KRT86: variants seen among roughly 807,000 people sequenced by gnomAD.
The protein encoded by KRT86 is keratin 86.
In KRT86, 30 loss-of-function variants were observed where a neutral mutation model predicts 41.2. The observed-to-expected ratio is 0.73, with a 90% confidence interval of 0.54 to 0.99. KRT86 has a LOEUF of 0.99. Ranked by LOEUF, KRT86 falls within the 50% of genes least tolerant of loss-of-function variation. The pLI, the probability that KRT86 is intolerant of heterozygous loss-of-function variation, is 0.00. For synonymous variants in KRT86, 238 were observed against 238.1 expected, an observed-to-expected ratio of 1.00 and a Z score of 0.00; for missense variants, 561 against 571.4, an observed-to-expected ratio of 0.98 and a Z score of 0.19.
intron 2 of KRT86, chr12:52,287,311 C>T (rs766315840): frequency 1.1e-5 from 18 of 1,614,014 alleles, no homozygotes; most frequent in Non-Finnish European, 1.5e-5. Context: ...CCGCGGCCTC[C>T]AGCTTGGAGT....
At chr12:52,305,550 G>T in intron 7 of KRT86, 113 bp from the exon 8 acceptor site, 1 of 1,601,930 alleles carries the variant, frequency 6.2e-7, no homozygotes, top group Non-Finnish European at 8.5e-7. Context: ...GGGCAGGACT[G>T]CCATGTGTGG....
intron 2 of KRT86, among the ~76,000 whole-genome samples, chr12:52,301,221 G>T (rs1228339794): frequency 3.9e-5 from 6 of 152,142 alleles, no homozygotes; most frequent in African/African-American, 1.2e-4. Flanking sequence ...GTGAGTTTGT[G>T]TGTGTATGTG....
At chr12:52,277,034 C>T (rs561040927) in intron 2 of KRT86, among the ~76,000 whole-genome samples, 1 of 152,262 alleles carries the variant, frequency 6.6e-6, no homozygotes, top group East Asian at 1.9e-4. Context: ...GTCCCACCAG[C>T]CACAGCTGTT....
intron 2 of KRT86, chr12:52,287,274 C>A: frequency 1.2e-6 from 2 of 1,614,062 alleles, no homozygotes; most frequent in Non-Finnish European, 1.7e-6. Context: ...CTGAGGGCCG[C>A]CTCACCCTGC....
chr12:52,294,274 C>CTCCTTA (rs1378340267), intron 2 of KRT86, among the ~76,000 whole-genome samples: 2 of 152,240 alleles, frequency 1.3e-5, no homozygotes, highest in African/African-American at 4.8e-5. Context: ...ACCAGTATAA[C>CTCCTTA]TCCTTATAAA....
At chr12:52,283,624 A>G (rs1206697416) in intron 2 of KRT86, among the ~76,000 whole-genome samples, 2 of 151,730 alleles carry the variant, frequency 1.3e-5, no homozygotes, top group South Asian at 2.1e-4. Context: ...AATTACAGGC[A>G]CATACCACCA....
chr12:52,278,821 G>A (rs1937701312), intron 2 of KRT86: 1 of 151,984 alleles, frequency 6.6e-6, no homozygotes, highest in Non-Finnish European at 1.5e-5. Flanking sequence ...CTGTGTCTGT[G>A]ACAGCTCCCT....
intron 2 of KRT86, among the ~76,000 whole-genome samples, chr12:52,283,039 T>C (rs1190841097): frequency 1.3e-5 from 2 of 152,114 alleles, no homozygotes; most frequent in Non-Finnish European, 2.9e-5. Flanking sequence ...CACTGCACAG[T>C]TGCATGAAAC....
intron 2 of KRT86, 40 bp from the exon 3 acceptor site, chr12:52,301,873 G>A: frequency 6.2e-7 from 1 of 1,613,580 alleles, no homozygotes; most frequent in Admixed American, 1.7e-5. Context: ...TCTCCATTCG[G>A]ACGTCTCCAT....
In KRT86 at chr12:52,305,351, G is replaced by A. The variant is rs377327853; in HGVS notation, c.847G>A (p.Asp283Asn). The A allele has an allele frequency of 1.4e-5, 22 of 1,614,134 alleles. No homozygotes were observed. Among genetic ancestry groups the A allele is most frequent in the South Asian group, 7.7e-5 (7 of 91,088 alleles). The change falls in exon 7 of 11, where the codon GAT becomes AAT. Residue 283 changes from aspartate to asparagine, a missense_variant. Transcript: ENST00000423955. ...CATTGCCGAGATCAAGGCACAGTAC[G>A]ATGACATTGTCACCCGTAGCCGGGC... ...CIIAEIKAQY[D>N]DIVTRSRAEA...
At chr12:52,288,380 A>G in intron 2 of KRT86, 2 of 1,614,082 alleles carry the variant, frequency 1.2e-6, no homozygotes, top group Non-Finnish European at 8.5e-7. Flanking sequence ...CAGCCGCCTC[A>G]GGAAGTCGAT....
At chr12:52,293,864 G>A (rs183180542) in intron 2 of KRT86, among the ~76,000 whole-genome samples, 121 of 152,246 alleles carry the variant, frequency 7.9e-4, no homozygotes, top group Non-Finnish European at 7.4e-5. Context: ...TAGCCCCCTG[G>A]AGCTGCTATG....
intron 2 of KRT86, among the ~76,000 whole-genome samples, chr12:52,298,194 C>T (rs971490296): frequency 2.6e-5 from 4 of 152,156 alleles, no homozygotes; most frequent in African/African-American, 9.7e-5. Context: ...TTCTCTGAGG[C>T]AATCAGGCTG....
At position 52,301,987 on chromosome 12, in the gene KRT86, G is replaced by T. The variant is rs1313116276; in HGVS notation, c.71G>T (p.Arg24Leu). The T allele has an allele frequency of 1.2e-6, 2 of 1,612,996 alleles. No individual in the cohort carries two copies. Among genetic ancestry groups the T allele is most frequent in the African/African-American group, 1.3e-5 (1 of 74,892 alleles). ...TCGGCCTGCGGGCCCCGGCCCGGCCGCTGCTGCATCACCGCCGCCCCCTAC... is the reference window on the plus strand; with the variant it reads ...TCGGCCTGCGGGCCCCGGCCCGGCCTCTGCTGCATCACCGCCGCCCCCTAC... ...CISACGPRPG[R>L]CCITAAPYRG... The change falls in exon 3 of 11, where the codon CGC (arginine) becomes CTC (leucine). Residue 24 changes from arginine (R) to leucine (L), a missense_variant. By Grantham distance (102) the Arg-to-Leu change is moderately radical (BLOSUM62 -2). Coordinates refer to ENST00000423955, the MANE Select transcript of KRT86 (RefSeq NM_001320198.2).
At chr12:52,300,394 G>A (rs1938344660) in intron 2 of KRT86, among the ~76,000 whole-genome samples, 1 of 152,174 alleles carries the variant, frequency 6.6e-6, no homozygotes, top group Admixed American at 6.5e-5. Flanking sequence ...CACTGCCCCT[G>A]AGCCCACCGC....
intron 2 of KRT86, among the ~76,000 whole-genome samples, chr12:52,293,519 C>T (rs146006868): frequency 2.6e-4 from 39 of 152,118 alleles, no homozygotes; most frequent in African/African-American, 6.0e-4. Flanking sequence ...CTAAGGAAGA[C>T]GGGCAGAGTC....
chr12:52,286,311 A>G (rs1937928449), intron 2 of KRT86: 1 of 1,554,534 alleles, frequency 6.4e-7, no homozygotes, highest in African/African-American at 1.4e-5. Flanking sequence ...CTGATACCAC[A>G]GGAGCCCACG....
chr12:52,308,229 G>T lies in KRT86; in HGVS notation c.1248-4G>T. The stretch of plus-strand genomic sequence containing the variant: ...CACTGACCTCTCGCCTTCTCTCCCT[G>T]CAGGCTGTGCGAGGGCGTCGGCTCG... On this transcript the variant is annotated splice_polypyrimidine_tract_variant and splice_region_variant and intron_variant, in intron 9 of 10. Transcript: ENST00000423955. The T allele has an allele frequency of 3.7e-6, 6 of 1,614,182 alleles. No individual in the cohort carries two copies. Among genetic ancestry groups the T allele is most frequent in the Non-Finnish European group, 5.1e-6 (6 of 1,180,044 alleles).
intron 2 of KRT86, 41 bp from the exon 3 acceptor site, chr12:52,301,872 G>A (rs1054922846): frequency 9.3e-6 from 15 of 1,613,414 alleles, no homozygotes; most frequent in South Asian, 2.2e-5. Context: ...CTCTCCATTC[G>A]GACGTCTCCA....
Sources: allele counts gnomAD v4.1 joint callset (sites outside exome capture counted in the v4.1 genomes callset), GRCh38; gene constraint gnomAD v4.1.1; transcripts MANE v1.5; gene names NCBI Gene and HGNC (gene_info 2026-07-23, HGNC 2026-07-21).